RIF1: variants seen among roughly 807,000 people sequenced by gnomAD.
RIF1 encodes the protein telomere-associated protein RIF1.
RIF1 carries 45 observed loss-of-function variants against 247.1 expected under a neutral mutation model. The ratio of observed to expected loss-of-function variants is 0.18; its 90% confidence interval spans 0.14 to 0.23. The LOEUF is 0.23. Among genes scored for constraint, RIF1 ranks in the 10% least tolerant of loss-of-function variants. The pLI, the probability that RIF1 is intolerant of heterozygous loss-of-function variation, is 1.00. For synonymous variants in RIF1, 1,087 were observed against 978.8 expected (o/e 1.11, Z -2.06); for missense variants, 2,967 against 2,862.5 (o/e 1.04, Z -0.83).
the RIF1 span, chr2:151,514,946 G>A: frequency 6.8e-7 from 1 of 1,461,770 alleles, no homozygotes; most frequent in South Asian, 1.3e-5. Context: ...AAGTAGGAAG[G>A]AAAGACAAGT....
At chr2:151,473,252 G>A (rs1454815697) in intron 34 of RIF1, among the ~76,000 whole-genome samples, 1 of 149,356 alleles carries the variant, frequency 6.7e-6, no homozygotes, top group Non-Finnish European at 1.5e-5. Context: ...TTCTCAATCA[G>A]TGGTCCATAC....
At chr2:151,512,017 C>T (rs2074791167), downstream of RIF1, among the ~76,000 whole-genome samples, 1 of 130,128 alleles carries the variant, frequency 7.7e-6, no homozygotes, top group Admixed American at 9.4e-5. Flanking sequence ...TACCCTCTCA[C>T]TCTTTTTTTT....
intron 2 of RIF1, among the ~76,000 whole-genome samples, chr2:151,410,756 C>T (rs1293256148): frequency 1.3e-5 from 2 of 152,020 alleles, no homozygotes; most frequent in East Asian, 1.9e-4. Context: ...GGAGCATGCA[C>T]GTGTGTTTTG....
At chr2:151,499,460 G>A in exon 11 of RIF1, 3 of 806,768 alleles carry the variant, frequency 3.7e-6, no homozygotes, top group African/African-American at 1.7e-5. Context: ...TACCTTGTGG[G>A]GAACCTGGTA....
rs751346343 is a variant in RIF1, at chr2:151,420,368, C to T, written c.682C>T (p.Leu228Phe). 21 of 1,613,830 alleles carry T rather than the reference C, an allele frequency of 1.3e-5. No individual in the cohort carries two copies. Among genetic ancestry groups the T allele is most frequent in the Non-Finnish European group, 1.7e-5 (20 of 1,179,934 alleles). Residue 228 changes from leucine to phenylalanine, a missense_variant, in exon 7 of 36, where the codon CTT becomes TTT. Leu to Phe is a conservative substitution (Grantham distance 22). This residue lies in a region of RIF1 where 269 missense variants were observed against 288.6 expected (regional missense o/e 0.93). Coordinates refer to ENST00000444746, the MANE Select transcript of RIF1 (RefSeq NM_018151.5). ...AGAAATAGCATCTATTACGGAGCAG[C>T]TTATGACTACTGTGAGTGTTCTTTT... The part of the protein sequence containing the change: ...QQEIASITEQ[L>F]MTTKLISELQ...
downstream of RIF1, chr2:151,485,903 C>A: frequency 6.2e-7 from 1 of 1,613,904 alleles, no homozygotes; most frequent in South Asian, 1.1e-5. Context: ...GCATCAGCAG[C>A]CATATAGTCA....
downstream of RIF1, among the ~76,000 whole-genome samples, chr2:151,486,124 A>G (rs948980723): frequency 1.3e-5 from 2 of 152,196 alleles, no homozygotes; most frequent in Non-Finnish European, 2.9e-5. Flanking sequence ...CTGATAGGCA[A>G]TTAATATCCA....
At chr2:151,485,541 A>G, downstream of RIF1, 1 of 401,470 alleles carries the variant, frequency 2.5e-6, no homozygotes, top group Non-Finnish European at 4.4e-6. Context: ...TAATGGAGAA[A>G]GACTCTAGGC....
At chr2:151,444,792 A>T (rs2444270) in intron 18 of RIF1, among the ~76,000 whole-genome samples, 104,399 of 152,026 alleles carry the variant, frequency 0.69, 36,291 homozygotes, top group East Asian at 0.77. Context: ...CCTGGGATTC[A>T]TTTTTAGAAC....
chr2:151,445,532 ATTTG>A (rs1693107236), intron 19 of RIF1, 87 bp downstream of exon 19: 1 of 779,006 alleles, frequency 1.3e-6, no homozygotes, highest in Non-Finnish European at 2.2e-6. Flanking sequence ...TTCCACAATG[ATTTG>A]TTTTTCTTTT....
At chr2:151,523,070 T>G in the RIF1 span, among the ~76,000 whole-genome samples, 321 of 152,334 alleles carry the variant, frequency 2.1e-3, 2 homozygotes, top group African/African-American at 7.3e-3. Context: ...AACATCATAG[T>G]CGTTTGTTTT....
At chr2:151,496,859 A>C in intron 10 of RIF1, 1 of 1,395,364 alleles carries the variant, frequency 7.2e-7, no homozygotes, top group Non-Finnish European at 9.8e-7. Flanking sequence ...TCTTTAGAAA[A>C]TAGGATTAAT....
the RIF1 span, chr2:151,526,775 C>G: frequency 3.1e-6 from 2 of 654,304 alleles, no homozygotes; most frequent in African/African-American, 3.6e-5. Context: ...GCGCCCCTCA[C>G]AGGACAGGCC....
At chr2:151,437,457 G>A (rs899365256) in intron 13 of RIF1, 106 bp downstream of exon 13, 21 of 790,682 alleles carry the variant, frequency 2.7e-5, no homozygotes, top group South Asian at 2.2e-4. Context: ...TTGGGAGGCC[G>A]AGGTGAGTGG....
At chr2:151,514,986 C>T in the RIF1 span, 8 of 1,090,320 alleles carry the variant, frequency 7.3e-6, no homozygotes, top group Non-Finnish European at 1.1e-5. Flanking sequence ...CAATATATCT[C>T]TCCATCTCAG....
At position 151,481,843 on chromosome 2, in the gene RIF1, T is replaced by C. The variant is rs1357241656; in HGVS notation, c.*6772T>C. The C allele has an allele frequency of 2.0e-5, 3 of 152,212 alleles. No homozygotes were observed. Among genetic ancestry groups the C allele is most frequent in the Non-Finnish European group, 4.4e-5 (3 of 68,038 alleles). The allele number at this position is 152,212 out of a possible 1,614,324, so 9.4% of individuals were successfully genotyped here. On this transcript the variant is annotated 3_prime_UTR_variant, in exon 36 of 36. Coordinates refer to ENST00000444746, the MANE Select transcript of RIF1 (RefSeq NM_018151.5). Reference sequence around the variant, plus strand: ...TTGTGCGCTCATTATGAGAATCTAATACCCGATGATCTGAGGTGGAACAGT... The same window carrying C: ...TTGTGCGCTCATTATGAGAATCTAACACCCGATGATCTGAGGTGGAACAGT...
At chr2:151,468,248 T>G (rs977057639) in intron 31 of RIF1, 102 bp downstream of exon 31, 1 of 1,164,700 alleles carries the variant, frequency 8.6e-7, no homozygotes, top group Non-Finnish European at 1.2e-6. Context: ...AACTTCTTCC[T>G]TGGTTTAAAA....
At chr2:151,425,522 A>G (rs1234500175) in intron 8 of RIF1, among the ~76,000 whole-genome samples, 1 of 152,070 alleles carries the variant, frequency 6.6e-6, no homozygotes, top group African/African-American at 2.4e-5. Context: ...TCTTGAATGT[A>G]GATCTTTGAA....
rs780868463 is a variant in RIF1 at position 151,463,725 on chromosome 2, A to G, written c.4205A>G (p.Asp1402Gly). The change falls in exon 30 of 36, where the codon GAT becomes GGT. Residue 1402 changes from aspartate to glycine, a missense_variant. Around this residue, in one of 7 missense-constraint regions of RIF1, gnomAD observed 2,028 missense variants for 1,825.6 expected, o/e 1.11. Coordinates refer to ENST00000444746, the MANE Select transcript of RIF1 (RefSeq NM_018151.5). ...TCAGCAGATCAAATGGTAAATGAGG[A>G]TAGTCAGGTTCAGATAACTCCAAAT... ...VISADQMVNEDSQVQITPNQK... is the reference protein window; with the variant it reads ...VISADQMVNEGSQVQITPNQK... The G allele has an allele frequency of 1.9e-6, 3 of 1,614,036 alleles. No homozygotes were observed. The highest frequency in any genetic ancestry group is 2.5e-6 in the Non-Finnish European group (3 of 1,179,982).
Sources: gnomAD v4.1 joint callset for allele counts (sites outside exome capture counted in the v4.1 genomes callset) on GRCh38, gnomAD v4.1.1 for gene constraint, gnomAD v4.1.1 regional missense constraint, MANE v1.5 for transcripts, NCBI Gene and HGNC (gene_info 2026-07-23, HGNC 2026-07-21) for gene names.